TNN: variants seen among roughly 807,000 people sequenced by gnomAD.
TNN encodes tenascin N, also known as tenascin-N.
In TNN, 122 loss-of-function variants were observed where a neutral mutation model predicts 134.4. The observed-to-expected ratio is 0.91, with a 90% CI of 0.78 to 1.06. The LOEUF is 1.06. Among genes scored for constraint, TNN ranks in the 50% least tolerant of loss-of-function variants. The probability of loss-of-function intolerance (pLI) is 0.00; values close to 1 mark genes in which losing one functional copy is unlikely to be tolerated. For synonymous variants in TNN, 710 were observed against 670.3 expected (o/e 1.06, Z -0.91); for missense variants, 1,739 against 1,699.4 (o/e 1.02, Z -0.41).
rs1674152221 is a variant in TNN at position 175,079,691 on chromosome 1, C to T, written c.768C>T (p.Gly256=). ...GECYCEEGFT[G]LDCAQVVTPQ... ...GCTACTGCGAGGAGGGCTTCACAGG[C>T]CTGGACTGTGCCCAGGGTGAGAGCG... Residue 256 remains glycine (G), a synonymous_variant, in exon 3 of 19, where the codon GGC becomes GGT. Transcript: ENST00000239462. 3.8e-6 allele frequency: 6 copies of T among 1,599,598 alleles called. No individual in the cohort carries two copies. The South Asian group carries it at 6.7e-5, about 18-fold the overall frequency.
intron 6 of TNN, among the ~76,000 whole-genome samples, chr1:175,091,537 T>C (rs1000622435): frequency 7.6e-6 from 1 of 132,324 alleles, no homozygotes; most frequent in Non-Finnish European, 1.6e-5. Context: ...CTTTCCTTTA[T>C]TTATTTACTT....
chr1:175,136,081 G>T (rs1675802883), intron 16 of TNN, 140 bp downstream of exon 16: 2 of 634,564 alleles, frequency 3.2e-6, no homozygotes, highest in South Asian at 3.7e-5. Context: ...GCCGAGCAGG[G>T]TGTTGGTGGG....
intron 9 of TNN, among the ~76,000 whole-genome samples, chr1:175,099,372 T>G: frequency 6.9e-6 from 1 of 144,138 alleles, no homozygotes; most frequent in African/African-American, 2.6e-5. Flanking sequence ...GGAGGAGAGG[T>G]GAAGGGTCAA....
intron 9 of TNN, among the ~76,000 whole-genome samples, chr1:175,104,105 A>G (rs1324593678): frequency 6.8e-6 from 1 of 146,186 alleles, no homozygotes; most frequent in Non-Finnish European, 1.5e-5. Context: ...ATGTGAAAAG[A>G]GCAAAGTCTC....
chr1:175,128,528 A>G, intron 14 of TNN, 67 bp from the exon 15 acceptor site: 1 of 1,499,414 alleles, frequency 6.7e-7, no homozygotes, highest in South Asian at 1.3e-5. Flanking sequence ...GCCTTAAAAT[A>G]GGAAGAAACT....
At chr1:175,094,730 C>T (rs1465503821) in intron 7 of TNN, among the ~76,000 whole-genome samples, 1 of 152,336 alleles carries the variant, frequency 6.6e-6, no homozygotes, top group East Asian at 1.9e-4. Context: ...TGAGGGTTCT[C>T]ATACTTCACC....
Position 175,097,528 on chromosome 1 carries a change from C to T in TNN, c.1700C>T (p.Ser567Phe). 1.2e-6 allele frequency: 2 copies of T among 1,614,206 alleles called. No individual in the cohort carries two copies. Among genetic ancestry groups the T allele is most frequent in the Non-Finnish European group, 1.7e-6 (2 of 1,180,046 alleles). ...TIDKYVVRYT[S>F]ADDQETREVL... ...GACAAGTACGTGGTGCGCTACACCT[C>T]TGCTGACGACCAAGAGACCAGAGAG... Residue 567 changes from serine to phenylalanine, a missense_variant, in exon 8 of 19, where the codon TCT (serine) becomes TTT (phenylalanine). Transcript: ENST00000239462.
rs532414963 is a variant in TNN at position 175,094,295 on chromosome 1, G to A, written c.1588+42G>A. On this transcript the variant is annotated intron_variant, in intron 7 of 18. Transcript: ENST00000239462. ...AGCATAAATAGGTTTCCTCATGGCA[G>A]GGAGAAGGTTGATTTTTGAATCAGG... The A allele has an allele frequency of 1.7e-5, 25 of 1,472,632 alleles. No individual in the cohort carries two copies. The South Asian group carries it at 3.4e-4, about 20-fold the overall frequency. The allele number at this position is 1,472,632 out of a possible 1,614,324, so 91.2% of individuals were successfully genotyped here.
At chr1:175,074,271 C>G (rs1673986436) in intron 1 of TNN, among the ~76,000 whole-genome samples, 1 of 151,970 alleles carries the variant, frequency 6.6e-6, no homozygotes, top group Non-Finnish European at 1.5e-5. Flanking sequence ...CTGCTTGAAC[C>G]CAGGAATTCG....
At chr1:175,068,907 T>TA (rs1234937719) in intron 1 of TNN, among the ~76,000 whole-genome samples, 5 of 152,228 alleles carry the variant, frequency 3.3e-5, no homozygotes, top group East Asian at 1.9e-4. Context: ...AAACTCCATC[T>TA]AAAAAACAAA....
At chr1:175,120,415 T>A (rs1377590537) in intron 11 of TNN, among the ~76,000 whole-genome samples, 1 of 152,202 alleles carries the variant, frequency 6.6e-6, no homozygotes, top group African/African-American at 2.4e-5. Context: ...AACACTCAAA[T>A]AACAGTTGCA....
In TNN at chr1:175,147,018, C is replaced by A; in HGVS notation, c.3847C>A (p.Pro1283Thr). ...KIRPHGYSRE[P>T]VLGRKKRTLR... ...CCGCCCTCATGGCTACAGCAGGGAG[C>A]CTGTCCTGGGCAGAAAGAAGCGGAC... The change falls in exon 19 of 19, where the codon CCT becomes ACT. Residue 1283 changes from proline (P) to threonine (T), a missense_variant. By Grantham distance (38) the Pro-to-Thr change is conservative. Transcript: ENST00000239462. The A allele has an allele frequency of 6.2e-7, 1 of 1,605,022 alleles. No homozygotes were observed. Among genetic ancestry groups the A allele is most frequent in the African/African-American group, 1.3e-5 (1 of 74,328 alleles).
intron 17 of TNN, among the ~76,000 whole-genome samples, chr1:175,137,284 A>G (rs1004952978): frequency 6.6e-6 from 1 of 151,870 alleles, no homozygotes; most frequent in Non-Finnish European, 1.5e-5. Context: ...TGATGAGCCC[A>G]TATTCTGAAC....
chr1:175,125,349 A>G (rs2101841543), intron 12 of TNN, among the ~76,000 whole-genome samples: 1 of 149,510 alleles, frequency 6.7e-6, no homozygotes, highest in Non-Finnish European at 1.5e-5. Context: ...ATTTCCATTC[A>G]TATCTTCTTT....
chr1:175,133,880 T>C (rs1454444372), intron 15 of TNN, among the ~76,000 whole-genome samples: 1 of 152,222 alleles, frequency 6.6e-6, no homozygotes, highest in Non-Finnish European at 1.5e-5. Flanking sequence ...CTTGTAGTTC[T>C]GCTGTTTCAG....
intron 7 of TNN, among the ~76,000 whole-genome samples, chr1:175,094,650 G>A (rs1253531148): frequency 6.6e-6 from 1 of 152,144 alleles, no homozygotes; most frequent in Non-Finnish European, 1.5e-5. Context: ...TTTAGACCGT[G>A]GAAATAGTTT....
intron 11 of TNN, among the ~76,000 whole-genome samples, chr1:175,121,516 C>A (rs998249927): frequency 6.6e-6 from 1 of 152,090 alleles, no homozygotes; most frequent in Non-Finnish European, 1.5e-5. Flanking sequence ...ATGCAGTGTT[C>A]ATTTAAAAAA....
chr1:175,138,238 T>C (rs1450316359), intron 17 of TNN, among the ~76,000 whole-genome samples: 1 of 152,266 alleles, frequency 6.6e-6, no homozygotes, highest in Non-Finnish European at 1.5e-5. Flanking sequence ...TGAGATCTTA[T>C]AATTTCATTT....
intron 17 of TNN, among the ~76,000 whole-genome samples, chr1:175,140,712 T>C (rs1333199815): frequency 1.3e-5 from 2 of 152,248 alleles, no homozygotes; most frequent in African/African-American, 4.8e-5. Context: ...ATAGAATTAT[T>C]TTTTAATAGG....
Sources: gnomAD v4.1 joint callset for allele counts (sites outside exome capture counted in the v4.1 genomes callset) on GRCh38, gnomAD v4.1.1 for gene constraint, MANE v1.5 for transcripts, NCBI Gene and HGNC (gene_info 2026-07-23, HGNC 2026-07-21) for gene names.